Variants in ARHGAP12 observed in about 807,000 individuals in gnomAD.
The protein encoded by ARHGAP12 is Rho GTPase activating protein 12, also known as rho GTPase-activating protein 12.
Under a neutral mutation model 108.6 loss-of-function variants are expected in ARHGAP12, and 64 were observed. The ratio of observed to expected loss-of-function variants is 0.59; its 90% CI spans 0.48 to 0.73. The LOEUF is 0.73. Among genes scored for constraint, ARHGAP12 ranks in the 30% least tolerant of loss-of-function variants. The pLI is 0.00. For missense variants in ARHGAP12, 940 were observed against 1,005.9 expected (o/e 0.93, Z 0.89); for synonymous variants, 312 against 337.2 (o/e 0.93, Z 0.82).
chr10:31,919,532 C>T (rs1839700005), intron 1 of ARHGAP12, among the ~76,000 whole-genome samples: 2 of 152,228 alleles, frequency 1.3e-5, no homozygotes, highest in Admixed American at 6.5e-5. Flanking sequence ...GTGGCTCACG[C>T]CTGTAATCCC....
chr10:31,925,800 T>C (rs1464861665), intron 1 of ARHGAP12, among the ~76,000 whole-genome samples: 7 of 152,246 alleles, frequency 4.6e-5, no homozygotes, highest in Non-Finnish European at 1.0e-4. Flanking sequence ...TAGTCAAATG[T>C]GCCTAATGCA....
chr10:31,864,697 T>C (rs1404579983), intron 3 of ARHGAP12, among the ~76,000 whole-genome samples: 1 of 152,192 alleles, frequency 6.6e-6, no homozygotes, highest in Non-Finnish European at 1.5e-5. Flanking sequence ...TAAGAAAACA[T>C]CCACGCTTCT....
At chr10:31,869,353 A>G (rs1837453197) in intron 3 of ARHGAP12, among the ~76,000 whole-genome samples, 1 of 152,140 alleles carries the variant, frequency 6.6e-6, no homozygotes, top group Admixed American at 6.5e-5. Flanking sequence ...CCTGGCCAAC[A>G]TGCTGAAACC....
At chr10:31,856,129 T>C (rs770601743) in intron 4 of ARHGAP12, among the ~76,000 whole-genome samples, 1 of 152,108 alleles carries the variant, frequency 6.6e-6, no homozygotes, top group Non-Finnish European at 1.5e-5. Context: ...CAGGTAGGTA[T>C]CCCAATTGAT....
At chr10:31,856,267 A>G (rs1836881845) in intron 4 of ARHGAP12, among the ~76,000 whole-genome samples, 2 of 152,124 alleles carry the variant, frequency 1.3e-5, no homozygotes, top group Non-Finnish European at 2.9e-5. Context: ...ACAGTCAAGC[A>G]GAAGAAAAAA....
intron 9 of ARHGAP12, among the ~76,000 whole-genome samples, chr10:31,838,693 T>C (rs761206647): frequency 7.3e-5 from 11 of 151,708 alleles, no homozygotes; most frequent in Non-Finnish European, 1.6e-4. Flanking sequence ...TAGCCAGGTG[T>C]TGTGGCGCAT....
rs778811314 is a variant in ARHGAP12 at position 31,831,731 on chromosome 10, G to A, written c.1448+8C>T. ...TCATGTAAGAACATTAAAGACTTGT[G>A]TACTTACCGAACCTTTTTCCCATTT... On this transcript the variant is annotated splice_region_variant and intron_variant, in intron 10 of 19. Coordinates refer to ENST00000344936, the MANE Select transcript of ARHGAP12 (RefSeq NM_018287.7). 29 of 1,549,102 alleles carry A rather than the reference G, an allele frequency of 1.9e-5. No individual in the cohort carries two copies. Among genetic ancestry groups the A allele is most frequent in the Non-Finnish European group, 4.4e-6 (5 of 1,126,624 alleles).
rs572425268 is a variant in ARHGAP12 at position 31,868,755 on chromosome 10, G to A, written c.685-7097C>T. Among the ~76,000 whole-genome samples, 13 of 151,988 alleles carry A rather than the reference G, an allele frequency of 8.6e-5. No individual in the cohort carries two copies. The East Asian group carries it at 2.3e-3, about 27-fold the overall frequency. ...GTTCAAGACCAGCCTGGGCAACACC[G>A]AGACCCTGTCTCTATAAAAAATAAT... On this transcript the variant is annotated intron_variant, in intron 3 of 19. Transcript: ENST00000344936.
chr10:31,854,415 A>G (rs181001609), intron 4 of ARHGAP12, among the ~76,000 whole-genome samples: 4 of 152,338 alleles, frequency 2.6e-5, no homozygotes, highest in African/African-American at 9.6e-5. Flanking sequence ...TTATCACATT[A>G]GTGCAGCCCT....
chr10:31,846,238 A>C (rs1230782974), intron 6 of ARHGAP12, among the ~76,000 whole-genome samples: 1 of 152,200 alleles, frequency 6.6e-6, no homozygotes, highest in South Asian at 2.1e-4. Flanking sequence ...GGAATGTTAT[A>C]ATTTTTGTTT....
chr10:31,875,333 A>T (rs1218067644), intron 3 of ARHGAP12, among the ~76,000 whole-genome samples: 1 of 152,204 alleles, frequency 6.6e-6, no homozygotes, highest in Non-Finnish European at 1.5e-5. Context: ...ACCCAGAAAA[A>T]GTAGAGTAGG....
intron 9 of ARHGAP12, among the ~76,000 whole-genome samples, chr10:31,838,550 C>A (rs1175056368): frequency 6.6e-6 from 1 of 151,886 alleles, no homozygotes; most frequent in East Asian, 1.9e-4. Context: ...GCCAAGCGGG[C>A]CAGGCACAGT....
intron 3 of ARHGAP12, among the ~76,000 whole-genome samples, chr10:31,886,541 G>C (rs1838197066): frequency 6.6e-6 from 1 of 152,016 alleles, no homozygotes. Flanking sequence ...AAATCTACAT[G>C]AAACTGACTT....
intron 3 of ARHGAP12, among the ~76,000 whole-genome samples, chr10:31,875,117 T>G (rs1286123864): frequency 6.6e-6 from 1 of 152,106 alleles, no homozygotes; most frequent in African/African-American, 2.4e-5. Context: ...TCTGCTTATC[T>G]GTACTTTCTA....
chr10:31,849,790 A>C (rs1377919911), intron 6 of ARHGAP12, among the ~76,000 whole-genome samples: 1 of 152,230 alleles, frequency 6.6e-6, no homozygotes, highest in Non-Finnish European at 1.5e-5. Context: ...CGCTGGTCAC[A>C]ATCAGTACCC....
At chr10:31,837,577 GGA>G (rs1457552984) in intron 9 of ARHGAP12, among the ~76,000 whole-genome samples, 1 of 152,156 alleles carries the variant, frequency 6.6e-6, no homozygotes, top group African/African-American at 2.4e-5. Context: ...CCATCTTGAT[GGA>G]GGTATAGGAT....
At chr10:31,867,284 A>G (rs1837364112) in intron 3 of ARHGAP12, among the ~76,000 whole-genome samples, 1 of 152,086 alleles carries the variant, frequency 6.6e-6, no homozygotes, top group South Asian at 2.1e-4. Flanking sequence ...AGTGTATGAG[A>G]AAAGAATAGA....
At chr10:31,915,158 G>A (rs139342203) in intron 1 of ARHGAP12, among the ~76,000 whole-genome samples, 10 of 152,276 alleles carry the variant, frequency 6.6e-5, no homozygotes, top group South Asian at 6.2e-4. Context: ...AGACCGGGGC[G>A]TGCAGATCAC....
chr10:31,852,718 A>G, intron 5 of ARHGAP12, 121 bp from the exon 6 acceptor site: 1 of 576,962 alleles, frequency 1.7e-6, no homozygotes, highest in Non-Finnish European at 2.9e-6. Context: ...AGAACATTGC[A>G]ACAAAAAATT....
Sources: gnomAD v4.1 joint callset for allele counts (sites outside exome capture counted in the v4.1 genomes callset) on GRCh38, gnomAD v4.1.1 for gene constraint, MANE v1.5 for transcripts, NCBI Gene and HGNC (gene_info 2026-07-23, HGNC 2026-07-21) for gene names.